Variants in GPD2 observed in about 807,000 individuals in gnomAD.
The protein encoded by GPD2 is glycerol-3-phosphate dehydrogenase 2, also known as glycerol-3-phosphate dehydrogenase, mitochondrial.
In GPD2, 54 loss-of-function variants were observed where a neutral mutation model predicts 82.4. The observed-to-expected ratio is 0.66, with a 90% CI of 0.53 to 0.82. The LOEUF (loss-of-function observed/expected upper bound fraction) is 0.82. Ranked by LOEUF, GPD2 falls within the 40% of genes least tolerant of loss-of-function variation. GPD2 has a pLI of 0.00. For missense variants in GPD2, 748 were observed against 896.2 expected, an observed-to-expected ratio of 0.83 and a Z score of 2.11; for synonymous variants, 288 against 306.1, an observed-to-expected ratio of 0.94 and a Z score of 0.62.
intron 1 of GPD2, among the ~76,000 whole-genome samples, chr2:156,462,132 A>G (rs1304205878): frequency 2.0e-5 from 3 of 152,218 alleles, no homozygotes; most frequent in Non-Finnish European, 4.4e-5. Context: ...ACAGAAAAAT[A>G]TACTAATTGT....
chr2:156,527,283 G>A (rs894985068), intron 6 of GPD2, among the ~76,000 whole-genome samples: 3 of 151,690 alleles, frequency 2.0e-5, no homozygotes, highest in Admixed American at 6.6e-5. Context: ...AAAAGTCTTC[G>A]GTACATAGTT....
At position 156,456,628 on chromosome 2, in the gene GPD2, C is replaced by T. The variant is rs867172130; in HGVS notation, c.-8-19470C>T. On this transcript the variant is annotated intron_variant, in intron 1 of 16. Coordinates refer to ENST00000438166, the MANE Select transcript of GPD2 (RefSeq NM_000408.5). ...AAAAAAGTTGGTCTTCTTGATCCTA[C>T]ATGAACTAATTAATTCTGTATTCCA... Among the ~76,000 whole-genome samples the T allele has an allele frequency of 3.3e-5, 5 of 151,820 alleles. No individual in the cohort carries two copies. In the East Asian group the frequency reaches 9.7e-4, roughly 29 times the overall value.
chr2:156,574,904 G>A (rs1261809467), intron 13 of GPD2, among the ~76,000 whole-genome samples: 2 of 152,268 alleles, frequency 1.3e-5, no homozygotes, highest in East Asian at 3.9e-4. Context: ...CTTGAATGCT[G>A]GAGAGTAAGG....
At chr2:156,422,235 G>A in the GPD2 span, among the ~76,000 whole-genome samples, 1 of 152,126 alleles carries the variant, frequency 6.6e-6, no homozygotes, top group South Asian at 2.1e-4. Context: ...GGGTTTTTAT[G>A]CTCTTGTATG....
At chr2:156,403,155 AG>A in the GPD2 span, among the ~76,000 whole-genome samples, 1 of 149,898 alleles carries the variant, frequency 6.7e-6, no homozygotes, top group Non-Finnish European at 1.5e-5. Flanking sequence ...CAAGGAAAAA[AG>A]TCTTATGTAA....
intron 1 of GPD2, among the ~76,000 whole-genome samples, chr2:156,451,237 T>C (rs1356152105): frequency 6.7e-5 from 10 of 148,210 alleles, no homozygotes; most frequent in South Asian, 2.2e-4. Context: ...CCAGTAGGGG[T>C]GGCCGGGCAG....
intron 2 of GPD2, among the ~76,000 whole-genome samples, chr2:156,490,294 C>A (rs1449325966): frequency 1.3e-5 from 2 of 150,664 alleles, no homozygotes; most frequent in African/African-American, 4.9e-5. Flanking sequence ...TTTTTCCTGT[C>A]ATAATTATAA....
chr2:156,406,985 C>T, the GPD2 span, among the ~76,000 whole-genome samples: 2 of 152,102 alleles, frequency 1.3e-5, no homozygotes, highest in Non-Finnish European at 2.9e-5. Context: ...CCAAGACGGG[C>T]AGATCACCTG....
intron 2 of GPD2, among the ~76,000 whole-genome samples, chr2:156,486,004 A>G (rs977989583): frequency 4.6e-5 from 7 of 152,236 alleles, no homozygotes; most frequent in South Asian, 2.1e-4. Context: ...TCTTAGAAAT[A>G]TAACTAAATT....
At chr2:156,581,669 C>G (rs190850573) in intron 16 of GPD2, among the ~76,000 whole-genome samples, 162 of 152,116 alleles carry the variant, frequency 1.1e-3, no homozygotes, top group Non-Finnish European at 1.6e-3. Flanking sequence ...CATTAATCTT[C>G]ACAGAAGGAT....
the GPD2 span, among the ~76,000 whole-genome samples, chr2:156,423,335 C>T: frequency 2.0e-5 from 3 of 152,194 alleles, no homozygotes; most frequent in Admixed American, 2.0e-4. Flanking sequence ...CACAAGTAGT[C>T]AGATTATAGG....
At chr2:156,509,163 G>A (rs959146502) in intron 3 of GPD2, among the ~76,000 whole-genome samples, 1 of 152,140 alleles carries the variant, frequency 6.6e-6, no homozygotes, top group Non-Finnish European at 1.5e-5. Flanking sequence ...GTGACCTGGG[G>A]CTGTGATACC....
At chr2:156,582,763 T>G (rs746626579) in intron 16 of GPD2, 30 bp from the exon 17 acceptor site, 1 of 1,611,576 alleles carries the variant, frequency 6.2e-7, no homozygotes, top group South Asian at 1.1e-5. Context: ...TGGCCTGCGT[T>G]CTGAATCTGT....
chr2:156,582,846 A>G lies in GPD2; in HGVS notation c.2112A>G (p.Leu704=). 1 of 1,613,032 alleles carries G rather than the reference A, an allele frequency of 6.2e-7. No homozygotes were observed. The highest frequency in any genetic ancestry group is 8.5e-7 in the Non-Finnish European group (1 of 1,179,140). Residue 704 remains leucine, a synonymous_variant, in exon 17 of 17, where the codon CTA becomes CTG. Transcript: ENST00000438166. ...TATCTGGAAGCCGGCTTGCTATACT[A>G]ATGAAAACTGCAGAAGAGAACCTCG... is the stretch of plus-strand genomic sequence containing the variant. ...GRVSGSRLAI[L]MKTAEENLDR...
chr2:156,482,116 G>A (rs1200455036), intron 2 of GPD2, among the ~76,000 whole-genome samples: 4 of 152,168 alleles, frequency 2.6e-5, no homozygotes, highest in African/African-American at 4.8e-5. Flanking sequence ...TATAAAGTGC[G>A]GTTGTAGTCA....
chr2:156,555,050 T>TCTCA (rs1686909913), intron 8 of GPD2, among the ~76,000 whole-genome samples: 1 of 152,258 alleles, frequency 6.6e-6, no homozygotes, highest in East Asian at 1.9e-4. Flanking sequence ...TGATATCCAT[T>TCTCA]CTCAAACTTT....
the GPD2 span, among the ~76,000 whole-genome samples, chr2:156,404,399 A>G: frequency 1.3e-5 from 2 of 151,982 alleles, no homozygotes; most frequent in Non-Finnish European, 2.9e-5. Context: ...AAAAACATAC[A>G]ACAACAACAA....
intron 2 of GPD2, among the ~76,000 whole-genome samples, chr2:156,476,769 A>G (rs1446990474): frequency 6.6e-6 from 1 of 151,980 alleles, no homozygotes. Flanking sequence ...TTTTCTCTTT[A>G]CCTTACAACT....
At chr2:156,510,941 T>C (rs867430329) in intron 4 of GPD2, 21 bp downstream of exon 4, 3 of 1,612,106 alleles carry the variant, frequency 1.9e-6, no homozygotes, top group Middle Eastern at 3.3e-4. Context: ...ATGCTGGTTG[T>C]TAAACAAAAA....
Sources: allele counts gnomAD v4.1 joint callset (sites outside exome capture counted in the v4.1 genomes callset), GRCh38; gene constraint gnomAD v4.1.1; transcripts MANE v1.5; gene names NCBI Gene and HGNC (gene_info 2026-07-23, HGNC 2026-07-21).